The following RBFOX1 variants were observed in gnomAD, a reference collection of about 807,000 sequenced individuals.
RBFOX1 encodes RNA binding fox-1 homolog 1, also known as RNA binding protein fox-1 homolog 1.
Under a neutral mutation model 57.7 loss-of-function variants are expected in RBFOX1, and 8 were observed. That is an observed-to-expected ratio of 0.14 (90% CI 0.08 to 0.25). The LOEUF (loss-of-function observed/expected upper bound fraction) is 0.25, where lower values mean the gene tolerates loss of function less well. RBFOX1 is among the 10% of genes least tolerant of loss of function. RBFOX1 has a pLI of 1.00. For missense variants in RBFOX1, 611 were observed against 548.5 expected (o/e 1.11, Z -1.14); for synonymous variants, 326 against 222.4 (o/e 1.47, Z -4.15).
At chr16:7,685,552 G>A (rs187702238) in intron 14 of RBFOX1, among the ~76,000 whole-genome samples, 5 of 152,186 alleles carry the variant, frequency 3.3e-5, no homozygotes, top group Admixed American at 2.6e-4. Flanking sequence ...GTACTAATTA[G>A]AATCAGAAAG....
chr16:6,466,872 A>G (rs1021161599), intron 2 of RBFOX1, among the ~76,000 whole-genome samples: 1 of 152,174 alleles, frequency 6.6e-6, no homozygotes, highest in South Asian at 2.1e-4. Flanking sequence ...AAACCCTAAG[A>G]GTCCTTATGT....
intron 4 of RBFOX1, among the ~76,000 whole-genome samples, chr16:7,169,420 GT>G (rs2080238159): frequency 6.6e-6 from 1 of 152,182 alleles, no homozygotes; most frequent in Non-Finnish European, 1.5e-5. Flanking sequence ...TTTGCACGAT[GT>G]TTAACGGAAT....
intron 4 of RBFOX1, among the ~76,000 whole-genome samples, chr16:7,318,761 G>T (rs1454738557): frequency 1.3e-5 from 2 of 152,100 alleles, no homozygotes; most frequent in Admixed American, 6.5e-5. Flanking sequence ...GGCTGTCTTT[G>T]CCTTCTCTCA....
At chr16:6,380,155 C>G (rs1025976073) in intron 2 of RBFOX1, among the ~76,000 whole-genome samples, 1 of 152,088 alleles carries the variant, frequency 6.6e-6, no homozygotes, top group African/African-American at 2.4e-5. Flanking sequence ...GGAAAGTAGA[C>G]AGTTGCTTTA....
At chr16:7,475,663 C>G (rs1165256171) in intron 4 of RBFOX1, among the ~76,000 whole-genome samples, 3 of 152,126 alleles carry the variant, frequency 2.0e-5, no homozygotes, top group African/African-American at 4.8e-5. Context: ...TTCTGGCATC[C>G]AAGCTCTTGG....
At chr16:6,146,181 T>C (rs2096756704) in intron 1 of RBFOX1, among the ~76,000 whole-genome samples, 1 of 152,100 alleles carries the variant, frequency 6.6e-6, no homozygotes, top group Non-Finnish European at 1.5e-5. Context: ...TCTGGTGCTG[T>C]GGGAGGGGGT....
intron 2 of RBFOX1, among the ~76,000 whole-genome samples, chr16:6,371,938 G>A (rs2090483578): frequency 6.6e-6 from 1 of 152,190 alleles, no homozygotes; most frequent in Admixed American, 6.5e-5. Flanking sequence ...TCAGAAGAGA[G>A]ACTTCATATT....
At chr16:6,089,076 A>AT (rs1491350106) in intron 1 of RBFOX1, among the ~76,000 whole-genome samples, 5,597 of 125,374 alleles carry the variant, frequency 0.045, 158 homozygotes, top group African/African-American at 0.092. Flanking sequence ...AAAAAAAAAA[A>AT]AAATATATAT....
At chr16:6,792,872 T>C (rs759771675) in intron 3 of RBFOX1, among the ~76,000 whole-genome samples, 1 of 151,792 alleles carries the variant, frequency 6.6e-6, no homozygotes, top group Non-Finnish European at 1.5e-5. Flanking sequence ...CTACTAAAAA[T>C]ACAAAAAATT....
chr16:7,367,887 C>CACAG (rs1555789508), intron 4 of RBFOX1, among the ~76,000 whole-genome samples: 3 of 130,838 alleles, frequency 2.3e-5, no homozygotes, highest in African/African-American at 9.6e-5. Context: ...TGCGTGCATA[C>CACAG]ACACACACAC....
intron 2 of RBFOX1, among the ~76,000 whole-genome samples, chr16:6,443,966 C>G (rs916462209): frequency 6.6e-6 from 1 of 152,086 alleles, no homozygotes; most frequent in Non-Finnish European, 1.5e-5. Flanking sequence ...TGTTAGTACT[C>G]AGGAAGGCCA....
chr16:7,351,400 C>T (rs138215778), intron 4 of RBFOX1, among the ~76,000 whole-genome samples: 9 of 152,328 alleles, frequency 5.9e-5, no homozygotes, highest in African/African-American at 1.4e-4. Context: ...CGATGGCAAA[C>T]ATTAGGAACG....
intron 1 of RBFOX1, among the ~76,000 whole-genome samples, chr16:6,100,500 C>T (rs2096292632): frequency 6.6e-6 from 1 of 152,300 alleles, no homozygotes; most frequent in East Asian, 1.9e-4. Context: ...TTTGGTAGAC[C>T]TGAGCTTCCT....
At chr16:6,794,448 G>C (rs2083562030) in intron 3 of RBFOX1, among the ~76,000 whole-genome samples, 1 of 152,084 alleles carries the variant, frequency 6.6e-6, no homozygotes, top group Non-Finnish European at 1.5e-5. Flanking sequence ...TCAGGATGCA[G>C]GGGGAGGGAT....
At chr16:5,662,124 T>G (rs2049673412) in intron 3 of RBFOX1, among the ~76,000 whole-genome samples, 2 of 152,146 alleles carry the variant, frequency 1.3e-5, no homozygotes, top group Non-Finnish European at 2.9e-5. Context: ...TTTGGACCCT[T>G]TGACAAACAT....
At chr16:5,792,709 G>A (rs1296374175) in intron 3 of RBFOX1, among the ~76,000 whole-genome samples, 1 of 152,138 alleles carries the variant, frequency 6.6e-6, no homozygotes, top group African/African-American at 2.4e-5. Flanking sequence ...CGGGCATGGT[G>A]GCATGTGCCT....
chr16:6,885,153 C>T (rs1239571494), intron 3 of RBFOX1, among the ~76,000 whole-genome samples: 1 of 152,154 alleles, frequency 6.6e-6, no homozygotes, highest in Non-Finnish European at 1.5e-5. Context: ...TGGACCGCCT[C>T]CTCCTTCCCT....
chr16:6,680,725 C>G (rs913364335), intron 3 of RBFOX1, among the ~76,000 whole-genome samples: 2 of 152,122 alleles, frequency 1.3e-5, no homozygotes, highest in African/African-American at 4.8e-5. Flanking sequence ...TTCTGCGGTT[C>G]TGATTTACAT....
At chr16:5,981,722 C>T (rs1339169322) in intron 4 of RBFOX1, among the ~76,000 whole-genome samples, 1 of 152,126 alleles carries the variant, frequency 6.6e-6, no homozygotes. Flanking sequence ...ACCTGCCTCA[C>T]CCTCCCAAAT....
Sources: allele counts gnomAD v4.1 joint callset (sites outside exome capture counted in the v4.1 genomes callset), GRCh38; gene constraint gnomAD v4.1.1; transcripts MANE v1.5; gene names NCBI Gene and HGNC (gene_info 2026-07-23, HGNC 2026-07-21).